SAMD3: variants seen among roughly 807,000 people sequenced by gnomAD.
The protein encoded by SAMD3 is sterile alpha motif domain containing 3, also known as sterile alpha motif domain-containing protein 3.
A neutral mutation model predicts 58.5 loss-of-function variants in SAMD3; 63 were observed. The observed-to-expected ratio is 1.08, with a 90% confidence interval of 0.88 to 1.33. The LOEUF (loss-of-function observed/expected upper bound fraction) is 1.33, where lower values mean the gene tolerates loss of function less well. Among genes scored for constraint, SAMD3 ranks in the 40% most tolerant of loss-of-function variants. SAMD3 has a pLI of 0.00. For missense variants in SAMD3, 604 were observed against 608.4 expected, an observed-to-expected ratio of 0.99 and a Z score of 0.08; for synonymous variants, 220 against 210.3, an observed-to-expected ratio of 1.05 and a Z score of -0.40.
At position 130,183,437 on chromosome 6, in the gene SAMD3, G is replaced by T. The variant is rs146170352; in HGVS notation, c.654+666C>A. On this transcript the variant is annotated intron_variant, in intron 7 of 11. Coordinates refer to ENST00000439090, the MANE Select transcript of SAMD3 (RefSeq NM_001017373.4). ...GAAAGCAGAGATCTGACAGGGCCAGGTAAGGCTGGAGGCCCAGACCTCAAA... is the reference window on the plus strand; with the variant it reads ...GAAAGCAGAGATCTGACAGGGCCAGTTAAGGCTGGAGGCCCAGACCTCAAA... 567 of 449,968 alleles carry T rather than the reference G, an allele frequency of 1.3e-3. 2 individuals carry two copies. Among genetic ancestry groups the T allele is most frequent in the African/African-American group, 0.011 (524 of 49,412 alleles). The allele number at this position is 449,968 out of a possible 1,614,324, so 27.9% of individuals were successfully genotyped here.
intron 5 of SAMD3, among the ~76,000 whole-genome samples, chr6:130,185,939 A>C (rs978683390): frequency 6.6e-6 from 1 of 152,142 alleles, no homozygotes; most frequent in Non-Finnish European, 1.5e-5. Context: ...CCTCTTGTTC[A>C]CTTTAAATGG....
intron 1 of SAMD3, among the ~76,000 whole-genome samples, chr6:130,362,314 T>C (rs1242546354): frequency 1.3e-5 from 2 of 152,166 alleles, no homozygotes; most frequent in Non-Finnish European, 2.9e-5. Flanking sequence ...GTGATGCAAA[T>C]ATTGCCGAGT....
chr6:130,221,722 G>A (rs1290056137), intron 1 of SAMD3: 3 of 152,192 alleles, frequency 2.0e-5, no homozygotes, highest in African/African-American at 7.2e-5. Flanking sequence ...AGGAGAGTTG[G>A]TCTTGCTGTC....
At chr6:130,286,535 T>G (rs1177773667) in intron 2 of SAMD3, among the ~76,000 whole-genome samples, 1 of 152,212 alleles carries the variant, frequency 6.6e-6, no homozygotes, top group African/African-American at 2.4e-5. Flanking sequence ...GCTTCAAATT[T>G]TCTCTCTTTT....
At chr6:130,199,718 A>T (rs1794466699) in intron 5 of SAMD3, among the ~76,000 whole-genome samples, 1 of 152,218 alleles carries the variant, frequency 6.6e-6, no homozygotes, top group Non-Finnish European at 1.5e-5. Flanking sequence ...GTCTCTGAAG[A>T]TATTGAACAA....
chr6:130,194,728 T>C (rs1793920315), intron 5 of SAMD3, among the ~76,000 whole-genome samples: 1 of 152,202 alleles, frequency 6.6e-6, no homozygotes, highest in Admixed American at 6.5e-5. Context: ...TCAACTCACT[T>C]GGCAACCACT....
intron 4 of SAMD3, among the ~76,000 whole-genome samples, chr6:130,210,155 C>T (rs1370985354): frequency 1.3e-5 from 2 of 152,188 alleles, no homozygotes; most frequent in Non-Finnish European, 2.9e-5. Flanking sequence ...TTGCACCTTC[C>T]TGACCAATGA....
At chr6:130,326,886 T>C (rs1776778155) in intron 1 of SAMD3, among the ~76,000 whole-genome samples, 1 of 152,188 alleles carries the variant, frequency 6.6e-6, no homozygotes, top group East Asian at 1.9e-4. Flanking sequence ...TGGATATAGA[T>C]GAGATACTGC....
At chr6:130,253,871 T>C (rs1773833096) in intron 2 of SAMD3, among the ~76,000 whole-genome samples, 1 of 152,166 alleles carries the variant, frequency 6.6e-6, no homozygotes, top group Non-Finnish European at 1.5e-5. Context: ...TATTAGTGTA[T>C]CTTCATTGTT....
At chr6:130,332,278 G>C (rs1776956970) in intron 1 of SAMD3, among the ~76,000 whole-genome samples, 1 of 152,144 alleles carries the variant, frequency 6.6e-6, no homozygotes, top group Non-Finnish European at 1.5e-5. Flanking sequence ...GGAAAAGATT[G>C]GGTAAGATTA....
chr6:130,319,952 A>C (rs1776528780), intron 1 of SAMD3, among the ~76,000 whole-genome samples: 1 of 152,056 alleles, frequency 6.6e-6, no homozygotes, highest in Admixed American at 6.6e-5. Flanking sequence ...CAGATCAATA[A>C]AAAGTTTCCA....
At chr6:130,209,297 A>G (rs888154837) in intron 5 of SAMD3, among the ~76,000 whole-genome samples, 198 bp downstream of exon 5, 1 of 152,214 alleles carries the variant, frequency 6.6e-6, no homozygotes, top group Non-Finnish European at 1.5e-5. Context: ...CTAAAACTTC[A>G]CTTTTCCAAT....
intron 2 of SAMD3, among the ~76,000 whole-genome samples, chr6:130,231,927 A>C (rs1796560537): frequency 6.6e-6 from 1 of 152,220 alleles, no homozygotes; most frequent in African/African-American, 2.4e-5. Flanking sequence ...CTATATCTGC[A>C]TTAGTCAGTT....
chr6:130,298,735 C>G (rs1420332851), intron 2 of SAMD3, among the ~76,000 whole-genome samples: 1 of 152,086 alleles, frequency 6.6e-6, no homozygotes, highest in Non-Finnish European at 1.5e-5. Flanking sequence ...TTCAAGAGAC[C>G]TATCTTATGT....
chr6:130,200,283 T>C (rs1449640135), intron 5 of SAMD3, among the ~76,000 whole-genome samples: 7 of 151,518 alleles, frequency 4.6e-5, no homozygotes, highest in African/African-American at 1.5e-4. Context: ...TTCATGCGCC[T>C]GTAATCTAAG....
At chr6:130,198,347 A>G (rs948364381) in intron 5 of SAMD3, among the ~76,000 whole-genome samples, 17 of 152,262 alleles carry the variant, frequency 1.1e-4, no homozygotes, top group South Asian at 8.3e-4. Context: ...TAGGACTACA[A>G]GCATGCATCA....
chr6:130,183,825 G>A (rs956627576), intron 7 of SAMD3, among the ~76,000 whole-genome samples: 1 of 152,082 alleles, frequency 6.6e-6, no homozygotes, highest in Non-Finnish European at 1.5e-5. Flanking sequence ...CAAGGAGACA[G>A]AGAGAGAAAG....
At chr6:130,224,238 C>T (rs959652038), upstream of SAMD3, among the ~76,000 whole-genome samples, 3 of 152,020 alleles carry the variant, frequency 2.0e-5, no homozygotes, top group East Asian at 1.9e-4. Flanking sequence ...TGTCTGTGCC[C>T]GCTAGGGTCT....
intron 5 of SAMD3, among the ~76,000 whole-genome samples, chr6:130,189,610 A>G (rs1304672685): frequency 6.6e-6 from 1 of 152,056 alleles, no homozygotes. Context: ...TTTTCCCTAC[A>G]TTTTATCTCT....
Sources: allele counts gnomAD v4.1 joint callset (sites outside exome capture counted in the v4.1 genomes callset), GRCh38; gene constraint gnomAD v4.1.1; transcripts MANE v1.5; gene names NCBI Gene and HGNC (gene_info 2026-07-23, HGNC 2026-07-21).